Variants in RGN observed in about 807,000 individuals in gnomAD.
RGN encodes regucalcin.
Under a neutral mutation model 20.6 loss-of-function variants are expected in RGN, and 19 were observed. That is an observed-to-expected ratio of 0.92 (90% confidence interval 0.64 to 1.35). The LOEUF is 1.35. Among genes scored for constraint, RGN ranks in the 40% most tolerant of loss-of-function variants. RGN has a pLI of 0.00. For synonymous variants in RGN, 85 were observed against 87.2 expected (o/e 0.97, Z 0.14); for missense variants, 302 against 232.7 (o/e 1.30, Z -1.94).
intron 3 of RGN, among the ~76,000 whole-genome samples, chrX:47,083,398 C>CA (rs1182892166): frequency 0.017 from 1,342 of 78,223 alleles, 22 homozygotes; most frequent in African/African-American, 0.048. Flanking sequence ...GACTCCATCT[C>CA]AAAAAAAAAA....
intron 4 of RGN, among the ~76,000 whole-genome samples, chrX:47,088,607 C>T (rs1041874952): frequency 9.1e-5 from 10 of 110,180 alleles, no homozygotes; most frequent in African/African-American, 2.6e-4. Flanking sequence ...GTGTTCTAGA[C>T]ATTTTGAATA....
In RGN at chrX:47,089,529, C is replaced by A. The variant is rs1556386108; in HGVS notation, c.347-247C>A. On this transcript the variant is annotated intron_variant, in intron 4 of 7. Transcript: ENST00000397180. Reference sequence around the variant, plus strand: ...TACTTATATATACATATTATATATACTCATATATATACATATTATATACAC... The same window carrying A: ...TACTTATATATACATATTATATATAATCATATATATACATATTATATACAC... Among the ~76,000 whole-genome samples, 4 of 34,578 alleles carry A rather than the reference C, an allele frequency of 1.2e-4. 1 individual carries two copies. Among genetic ancestry groups the A allele is most frequent in the Non-Finnish European group, 1.0e-4 (2 of 19,199 alleles). The allele number at this position is 34,578 out of a possible 115,157, so 30.0% of individuals were successfully genotyped here.
At chrX:47,089,516 CA>C (rs1556386086) in intron 4 of RGN, among the ~76,000 whole-genome samples, 8 of 35,221 alleles carry the variant, frequency 2.3e-4, no homozygotes, top group African/African-American at 7.9e-4. Context: ...CTTATATATA[CA>C]TATTATATAT....
intron 4 of RGN, among the ~76,000 whole-genome samples, chrX:47,088,050 C>A (rs893417438): frequency 3.0e-4 from 30 of 101,232 alleles, no homozygotes; most frequent in African/African-American, 9.3e-4. Context: ...CTAGTATATA[C>A]CTGTTAGGTA....
intron 3 of RGN, among the ~76,000 whole-genome samples, chrX:47,083,655 T>C (rs1294754594): frequency 1.8e-5 from 2 of 111,896 alleles, no homozygotes; most frequent in Non-Finnish European, 3.8e-5. Context: ...TCACGCCTAA[T>C]ATCCCAACAC....
rs1440305101 is a variant in RGN, at chrX:47,078,545, C to A, written c.-800C>A. 8.8e-6 allele frequency: 1 copy of A among 113,135 alleles called. No homozygotes were observed. The highest frequency in any genetic ancestry group is 1.9e-5 in the Non-Finnish European group (1 of 53,406). 9.3% of individuals were successfully genotyped at this position (113,135 alleles called of 1,213,427 possible). ...CTCTGTGCCCACCCGGGGACCCGGGCCCGTTCAGCCGGGCTGGCTGGTGCG... is the reference window on the plus strand; with the variant it reads ...CTCTGTGCCCACCCGGGGACCCGGGACCGTTCAGCCGGGCTGGCTGGTGCG... On this transcript the variant is annotated 5_prime_UTR_variant, in exon 1 of 8. Transcript: ENST00000397180.
chrX:47,091,407 A>G (rs1931007765), intron 5 of RGN, among the ~76,000 whole-genome samples: 1 of 111,763 alleles, frequency 8.9e-6, no homozygotes. Flanking sequence ...GTCAGCTTCA[A>G]AAAGAAGTAT....
At chrX:47,079,909 G>A (rs782287471) in intron 1 of RGN, among the ~76,000 whole-genome samples, 1 of 111,247 alleles carries the variant, frequency 9.0e-6, no homozygotes, top group South Asian at 3.7e-4. Context: ...TTAGAGACAG[G>A]TTCTCGCTCT....
At chrX:47,087,335 G>C (rs1197402687) in intron 4 of RGN, among the ~76,000 whole-genome samples, 2 of 111,288 alleles carry the variant, frequency 1.8e-5, no homozygotes, top group African/African-American at 6.5e-5. Flanking sequence ...CATCTTCCTG[G>C]ACTTTATACA....
intron 1 of RGN, among the ~76,000 whole-genome samples, chrX:47,079,394 G>T (rs1337687738): frequency 9.3e-6 from 1 of 106,991 alleles, no homozygotes; most frequent in African/African-American, 3.4e-5. Context: ...GTTTGGTTTG[G>T]TTTCTGTTTT....
In RGN at chrX:47,091,684, G is replaced by A. The variant is rs147490967; in HGVS notation, c.569G>A (p.Arg190His). 1.1e-4 allele frequency: 130 copies of A among 1,204,303 alleles called. No homozygotes were observed. The highest frequency in any genetic ancestry group is 2.5e-4 in the African/African-American group (14 of 56,801). ...TTTTGCCTTTTAACCATAGCCAACC[G>A]CAGAAGTGTTTACAAGCTAGAAAAG... Reference protein sequence around the residue: ...YDLQTGQISNRRSVYKLEKEE... With the variant: ...YDLQTGQISNHRSVYKLEKEE... Residue 190 changes from arginine to histidine, a missense_variant, in exon 6 of 8, where the codon CGC becomes CAC. Transcript: ENST00000397180.
intron 4 of RGN, among the ~76,000 whole-genome samples, chrX:47,086,729 TAAC>T (rs1258061019): frequency 1.7e-5 from 1 of 59,253 alleles, no homozygotes; most frequent in Non-Finnish European, 3.4e-5. Context: ...GAACCAGTGA[TAAC>T]AGGAGAGAGA....
At chrX:47,081,039 A>C in intron 2 of RGN, 91 bp from the exon 3 acceptor site, 1 of 606,080 alleles carries the variant, frequency 1.6e-6, no homozygotes, top group Admixed American at 2.5e-5. Flanking sequence ...ATCTGGGGGA[A>C]GTGTATCCAG....
Position 47,091,925 on chromosome X carries a change from G to A in RGN, c.694+116G>A, listed in dbSNP as rs1289484975. The A allele has an allele frequency of 1.8e-5, 18 of 996,098 alleles. No homozygotes were observed. In the South Asian group the frequency reaches 3.9e-4, roughly 21 times the overall value. 82.1% of individuals were successfully genotyped at this position (996,098 alleles called of 1,213,427 possible). On this transcript the variant is annotated intron_variant, in intron 6 of 7. Transcript: ENST00000397180. The stretch of plus-strand genomic sequence containing the variant: ...TGCGACTTTTTGCTCAAAATAAATT[G>A]TCAGGGAAAGTAGATTAAATATTAA...
chrX:47,079,352 G>T (rs868964491), intron 1 of RGN, among the ~76,000 whole-genome samples: 4 of 28,593 alleles, frequency 1.4e-4, no homozygotes, highest in African/African-American at 5.4e-4. Context: ...AGGTTTTTTT[G>T]TTTGTTTTTT....
chrX:47,087,954 ATATAT>A (rs1194493129), intron 4 of RGN, among the ~76,000 whole-genome samples: 2 of 100,159 alleles, frequency 2.0e-5, no homozygotes, highest in Non-Finnish European at 4.0e-5. Flanking sequence ...ATACAACTAT[ATATAT>A]TATATTAATA....
intron 5 of RGN, among the ~76,000 whole-genome samples, chrX:47,090,954 AAGAAAGAAAG>A (rs1183791533): frequency 1.7e-4 from 9 of 53,243 alleles, no homozygotes; most frequent in African/African-American, 4.9e-4. Context: ...GAAAGAAAGA[AAGAAAGAAAG>A]AAAGAAAGAA....
intron 5 of RGN, among the ~76,000 whole-genome samples, chrX:47,090,912 GAAGGAAAGAAA>G (rs1930933291): frequency 6.5e-5 from 2 of 30,911 alleles, no homozygotes; most frequent in African/African-American, 1.3e-4. Context: ...AAAGAAAGAA[GAAGGAAAGAAA>G]GAAAGAAAGA....
chrX:47,083,963 G>C (rs1361471864), intron 3 of RGN, among the ~76,000 whole-genome samples: 3 of 110,091 alleles, frequency 2.7e-5, no homozygotes, highest in Non-Finnish European at 5.7e-5. Context: ...GAGAGGGAGA[G>C]AGATGTCACA....
Sources: gnomAD v4.1 joint callset for allele counts (sites outside exome capture counted in the v4.1 genomes callset) on GRCh38, gnomAD v4.1.1 for gene constraint, MANE v1.5 for transcripts, NCBI Gene and HGNC (gene_info 2026-07-23, HGNC 2026-07-21) for gene names.